The following POSTN variants were observed in gnomAD, a reference collection of about 807,000 sequenced individuals.
POSTN encodes periostin.
Under a neutral mutation model 104.5 loss-of-function variants are expected in POSTN, and 71 were observed. The observed-to-expected ratio is 0.68, with a 90% CI of 0.56 to 0.83. POSTN has a LOEUF of 0.83. Ranked by LOEUF, POSTN falls within the 40% of genes least tolerant of loss-of-function variation. The pLI, the probability that POSTN is intolerant of heterozygous loss-of-function variation, is 0.00. For missense variants in POSTN, 949 were observed against 1,006.8 expected, an observed-to-expected ratio of 0.94 and a Z score of 0.78; for synonymous variants, 355 against 340.7, an observed-to-expected ratio of 1.04 and a Z score of -0.46.
At chr13:37,580,190 A>AT (rs894206825) in intron 11 of POSTN, among the ~76,000 whole-genome samples, 199 bp from the exon 12 acceptor site, 4 of 152,154 alleles carry the variant, frequency 2.6e-5, no homozygotes, top group African/African-American at 7.2e-5. Context: ...ACAATTTTTA[A>AT]TTTTTTTCAT....
chr13:37,590,771 T>C (rs1029037963), intron 3 of POSTN, among the ~76,000 whole-genome samples: 10 of 152,300 alleles, frequency 6.6e-5, no homozygotes, highest in African/African-American at 2.4e-4. Context: ...ACTGTCATCC[T>C]GGTTTAACAT....
chr13:37,583,129 C>T (rs1352438023), intron 9 of POSTN, among the ~76,000 whole-genome samples: 1 of 151,984 alleles, frequency 6.6e-6, no homozygotes, highest in Non-Finnish European at 1.5e-5. Flanking sequence ...AAATCATTTT[C>T]CTGAGAAAGG....
chr13:37,569,939 A>T (rs969281293), intron 19 of POSTN, 118 bp from the exon 20 acceptor site: 2 of 667,634 alleles, frequency 3.0e-6, no homozygotes, highest in African/African-American at 3.6e-5. Flanking sequence ...CCATTGTTCA[A>T]CTCTGATACT....
chr13:37,580,797 G>C, intron 10 of POSTN, 100 bp from the exon 11 acceptor site: 1 of 1,477,790 alleles, frequency 6.8e-7, no homozygotes, highest in Non-Finnish European at 9.2e-7. Context: ...GCCCTTCTGA[G>C]AGGTTGCCTG....
rs1447571407 is a variant in POSTN at position 37,590,503 on chromosome 13, T to C, written c.310A>G (p.Thr104Ala). ...AVLPIDHVYG[T>A]LGIVGATTTQ... ...GTGGTGGCTCCCACGATGCCCAGAG[T>C]GCCATAAACATGGTCAATGGGCAAA... Residue 104 changes from threonine (T) to alanine (A), a missense_variant, in exon 4 of 23, where the codon ACT (threonine) becomes GCT (alanine). Transcript: ENST00000379747. 5.0e-6 allele frequency: 8 copies of C among 1,612,528 alleles called. No individual in the cohort carries two copies. The South Asian group carries it at 7.7e-5, about 16-fold the overall frequency.
At chr13:37,583,840 G>T in intron 9 of POSTN, 129 bp downstream of exon 9, 5 of 1,049,252 alleles carry the variant, frequency 4.8e-6, no homozygotes, top group South Asian at 1.8e-5. Flanking sequence ...TTAACACATT[G>T]TATGTGTAGC....
At chr13:37,564,649 C>T in intron 21 of POSTN, 89 bp from the exon 22 acceptor site, 2 of 639,184 alleles carry the variant, frequency 3.1e-6, no homozygotes, top group Non-Finnish European at 5.5e-6. Context: ...AGTGTAAAGT[C>T]TTAAATAAGT....
intron 22 of POSTN, among the ~76,000 whole-genome samples, chr13:37,563,782 C>A (rs1300869190): frequency 2.0e-5 from 3 of 151,900 alleles, no homozygotes; most frequent in Non-Finnish European, 2.9e-5. Context: ...CCCAGAAATT[C>A]CAAACTTGCA....
intron 16 of POSTN, among the ~76,000 whole-genome samples, chr13:37,575,622 G>A (rs954293751): frequency 1.3e-5 from 2 of 152,032 alleles, no homozygotes; most frequent in Non-Finnish European, 2.9e-5. Flanking sequence ...TTAGATAACG[G>A]GCCACACTGA....
intron 4 of POSTN, among the ~76,000 whole-genome samples, chr13:37,590,034 C>T (rs996165507): frequency 1.3e-5 from 2 of 152,012 alleles, no homozygotes; most frequent in Non-Finnish European, 2.9e-5. Flanking sequence ...GGCTTCTTAA[C>T]TTACCTTTCT....
rs1162313102 is a variant in POSTN, at chr13:37,590,412, T to G, written c.401A>C (p.Tyr134Ser). 5.0e-6 allele frequency: 8 copies of G among 1,606,268 alleles called. No individual in the cohort carries two copies. In the South Asian group the frequency reaches 7.8e-5, roughly 16 times the overall value. ...EEIEGKGSFT[Y>S]FAPSNEAWDN... is the part of the protein sequence containing the mutation. ...CCAAGCCTCATTACTCGGTGCAAAG[T>G]AAGTGAAGGATCCCTTTCCCTCGAT... Residue 134 changes from tyrosine (Y) to serine (S), a missense_variant, in exon 4 of 23, where the codon TAC becomes TCC. Physicochemically the swap from Tyr to Ser is moderately radical, Grantham distance 144. Coordinates refer to ENST00000379747, the MANE Select transcript of POSTN (RefSeq NM_006475.3).
At chr13:37,596,717 G>A (rs1951096231) in intron 2 of POSTN, among the ~76,000 whole-genome samples, 1 of 152,128 alleles carries the variant, frequency 6.6e-6, no homozygotes. Context: ...CGGTAAACTG[G>A]AATACTTTAG....
At chr13:37,594,453 G>GT (rs1436696878) in intron 2 of POSTN, among the ~76,000 whole-genome samples, 13 of 151,874 alleles carry the variant, frequency 8.6e-5, no homozygotes, top group Admixed American at 3.9e-4. Context: ...AAAAAAAGCA[G>GT]TTTTTTTCAG....
At position 37,579,873 on chromosome 13, in the gene POSTN, C is replaced by A; in HGVS notation, c.1648G>T (p.Glu550Ter). 1.2e-6 allele frequency: 2 copies of A among 1,608,650 alleles called. No individual in the cohort carries two copies. The highest frequency in any genetic ancestry group is 1.7e-6 in the Non-Finnish European group (2 of 1,178,424). The change falls in exon 12 of 23, where the codon GAA becomes TAA. Residue 550 changes from glutamate (E) to a stop codon, truncating the protein, a stop_gained. Coordinates refer to ENST00000379747, the MANE Select transcript of POSTN (RefSeq NM_006475.3). LOFTEE classifies it high-confidence loss of function. ...CACTTCCACTTACGTATCAGAATTT[C>A]TTTTTCTTCACTAGTCATTCCCTTA... ...AFKGMTSEEK[E>*]ILIRDKNALQ...
chr13:37,567,183 C>CCGAG (rs1352101408), intron 21 of POSTN, among the ~76,000 whole-genome samples: 1 of 127,690 alleles, frequency 7.8e-6, no homozygotes, highest in Non-Finnish European at 1.6e-5. Flanking sequence ...TTGCAGTGAG[C>CCGAG]CGAGATCCCG....
Position 37,579,357 on chromosome 13 carries a change from C to A in POSTN, c.1663G>T (p.Asp555Tyr), listed in dbSNP as rs755775583. 14 of 1,568,992 alleles carry A rather than the reference C, an allele frequency of 8.9e-6. No individual in the cohort carries two copies. Among genetic ancestry groups the A allele is most frequent in the South Asian group, 2.3e-5 (2 of 88,476 alleles). ...ATGATGTTTTGAAGAGCATTTTTGT[C>A]CCCTAGGGGAAAATATATGTTTATT... ...TSEEKEILIR[D>Y]KNALQNIILY... Residue 555 changes from aspartate (D) to tyrosine (Y), a missense_variant and splice_region_variant, in exon 13 of 23, where the codon GAC (aspartate) becomes TAC (tyrosine). By Grantham distance (160) the Asp-to-Tyr change is radical (BLOSUM62 -3). Transcript: ENST00000379747.
At chr13:37,596,351 A>G (rs1951085470) in intron 2 of POSTN, among the ~76,000 whole-genome samples, 1 of 152,132 alleles carries the variant, frequency 6.6e-6, no homozygotes, top group Non-Finnish European at 1.5e-5. Flanking sequence ...TACTTGCCCT[A>G]TTTATGACTG....
Position 37,569,757 on chromosome 13 carries a change from T to G in POSTN, c.2334A>C (p.Lys778Asn), listed in dbSNP as rs1453327541. The G allele has an allele frequency of 6.3e-7, 1 of 1,598,938 alleles. No homozygotes were observed. Among genetic ancestry groups the G allele is most frequent in the African/African-American group, 1.3e-5 (1 of 74,536 alleles). The part of the protein sequence containing the change: ...GGGETEETLK[K>N]LLQEEVTKVT... ...AGAAATGCTGACCTTCTTGTAACAA[T>G]TTCTTCAGAGTTTCTTCTGTTTCTC... The change falls in exon 20 of 23, where the codon AAA becomes AAC. Residue 778 changes from lysine to asparagine, a missense_variant. Physicochemically the swap from Lys to Asn is moderately conservative, Grantham distance 94. Coordinates refer to ENST00000379747, the MANE Select transcript of POSTN (RefSeq NM_006475.3).
intron 2 of POSTN, 23 bp from the exon 3 acceptor site, chr13:37,592,187 T>C: frequency 7.3e-7 from 1 of 1,366,180 alleles, no homozygotes; most frequent in Non-Finnish European, 1.0e-6. Context: ...AGAAAATTAA[T>C]ATTAAAATGA....
Sources: gnomAD v4.1 joint callset for allele counts (sites outside exome capture counted in the v4.1 genomes callset) on GRCh38, gnomAD v4.1.1 for gene constraint, MANE v1.5 for transcripts, NCBI Gene and HGNC (gene_info 2026-07-23, HGNC 2026-07-21) for gene names.